TSHZ3: variants seen among roughly 807,000 people sequenced by gnomAD.
TSHZ3 encodes the protein teashirt homolog 3.
TSHZ3 carries 10 observed loss-of-function variants against 64.5 expected under a neutral mutation model. The observed-to-expected ratio is 0.16, with a 90% CI of 0.10 to 0.26. TSHZ3 has a LOEUF of 0.26. Among genes scored for constraint, TSHZ3 ranks in the 10% least tolerant of loss-of-function variants. TSHZ3 has a pLI of 1.00. For synonymous variants in TSHZ3, 608 were observed against 593.1 expected, an observed-to-expected ratio of 1.03 and a Z score of -0.36; for missense variants, 1,242 against 1,421.7, an observed-to-expected ratio of 0.87 and a Z score of 2.03.
intron 1 of TSHZ3, among the ~76,000 whole-genome samples, chr19:31,343,799 GA>G (rs1032640841): frequency 3.4e-5 from 5 of 148,620 alleles, no homozygotes; most frequent in Admixed American, 6.7e-5. Flanking sequence ...TTTTTTTAAA[GA>G]AAATCCAGAA....
At chr19:31,181,597 A>T (rs1159495863) in intron 5 of TSHZ3, among the ~76,000 whole-genome samples, 2 of 152,124 alleles carry the variant, frequency 1.3e-5, no homozygotes, top group Non-Finnish European at 2.9e-5. Flanking sequence ...AAGAGGCTCT[A>T]TGCTAAGCAG....
rs1326650510 is a variant in TSHZ3, at chr19:31,275,765, C to T, written c.*782G>A. ...TCTGTGGTATCTTCTGTATAATTTA[C>T]AATGTTTGCATGTAAAAAACAAAAC... is the stretch of plus-strand genomic sequence containing the variant. On this transcript the variant is annotated 3_prime_UTR_variant, in exon 2 of 2. Coordinates refer to ENST00000240587, the MANE Select transcript of TSHZ3 (RefSeq NM_020856.4). 6.6e-6 allele frequency: 1 copy of T among 152,100 alleles called. No homozygotes were observed. The highest frequency in any genetic ancestry group is 2.4e-5 in the African/African-American group (1 of 41,216). 9.4% of individuals were successfully genotyped at this position (152,100 alleles called of 1,614,324 possible).
At chr19:31,330,942 T>G (rs1393240963) in intron 1 of TSHZ3, among the ~76,000 whole-genome samples, 1 of 152,062 alleles carries the variant, frequency 6.6e-6, no homozygotes, top group East Asian at 1.9e-4. Flanking sequence ...ATGTCCCCAG[T>G]CACCATGGTG....
At chr19:31,332,878 G>A (rs1352928426) in intron 1 of TSHZ3, among the ~76,000 whole-genome samples, 3 of 151,974 alleles carry the variant, frequency 2.0e-5, no homozygotes, top group Admixed American at 6.6e-5. Flanking sequence ...GACCGAGGAG[G>A]GTAGACTGCT....
chr19:31,282,087 G>C (rs912754575), intron 1 of TSHZ3, among the ~76,000 whole-genome samples: 2 of 152,140 alleles, frequency 1.3e-5, no homozygotes, highest in Non-Finnish European at 2.9e-5. Flanking sequence ...GAGTAGGCTG[G>C]GTTTAGCTAG....
chr19:31,169,778 G>A (rs558782202), intron 5 of TSHZ3, among the ~76,000 whole-genome samples: 54 of 152,270 alleles, frequency 3.5e-4, no homozygotes, highest in Non-Finnish European at 6.5e-4. Flanking sequence ...TCCTTTGAGC[G>A]ATGTGCAAAG....
intron 5 of TSHZ3, chr19:31,195,616 A>C (rs1171153863): frequency 6.6e-6 from 1 of 152,038 alleles, no homozygotes; most frequent in African/African-American, 2.4e-5. Context: ...ATGTTAAAAG[A>C]AGTGCTTTAG....
At chr19:31,272,248 C>T (rs1344018080), downstream of TSHZ3, among the ~76,000 whole-genome samples, 2 of 152,108 alleles carry the variant, frequency 1.3e-5, no homozygotes, top group East Asian at 3.9e-4. Context: ...GGCCTTTTTT[C>T]CTCTATAAGT....
chr19:31,159,626 C>G (rs1974347550), intron 5 of TSHZ3, among the ~76,000 whole-genome samples: 1 of 152,174 alleles, frequency 6.6e-6, no homozygotes. Flanking sequence ...GCTTCACCAA[C>G]TATAAGGTAC....
intron 1 of TSHZ3, among the ~76,000 whole-genome samples, chr19:31,285,994 G>T (rs1449556931): frequency 6.6e-6 from 1 of 152,046 alleles, no homozygotes; most frequent in Non-Finnish European, 1.5e-5. Context: ...GAAGCACACA[G>T]AAGTGATCAG....
intron 1 of TSHZ3, among the ~76,000 whole-genome samples, chr19:31,306,890 C>T (rs895618618): frequency 1.3e-5 from 2 of 151,996 alleles, no homozygotes; most frequent in African/African-American, 4.8e-5. Context: ...CAGCATACGC[C>T]GCAGAATTAA....
At chr19:31,191,068 A>G (rs1974897954) in intron 5 of TSHZ3, among the ~76,000 whole-genome samples, 1 of 152,186 alleles carries the variant, frequency 6.6e-6, no homozygotes, top group Non-Finnish European at 1.5e-5. Flanking sequence ...AAGTAATTCA[A>G]TCAAATGGTT....
intron 5 of TSHZ3, among the ~76,000 whole-genome samples, chr19:31,183,220 CTCTCTCTT>C (rs201407196): frequency 0.48 from 60,879 of 126,862 alleles, 13,778 homozygotes; most frequent in Non-Finnish European, 0.53. Flanking sequence ...CTCTCTCTCT[CTCTCTCTT>C]TCTCTCTCTC....
At chr19:31,181,993 A>G (rs1483058683) in intron 5 of TSHZ3, among the ~76,000 whole-genome samples, 1 of 152,184 alleles carries the variant, frequency 6.6e-6, no homozygotes, top group African/African-American at 2.4e-5. Flanking sequence ...AGGCATCTCC[A>G]CTGCAGGTGA....
At chr19:31,179,546 C>T (rs958807800) in intron 5 of TSHZ3, among the ~76,000 whole-genome samples, 24 of 152,090 alleles carry the variant, frequency 1.6e-4, no homozygotes, top group Non-Finnish European at 2.9e-4. Flanking sequence ...AATCTATCCC[C>T]GTGATGAAGA....
chr19:31,320,627 C>A (rs1916740742), intron 1 of TSHZ3, among the ~76,000 whole-genome samples: 1 of 152,072 alleles, frequency 6.6e-6, no homozygotes, highest in African/African-American at 2.4e-5. Flanking sequence ...CTGACCTCTC[C>A]CTGGACCTAA....
chr19:31,166,982 A>G (rs1031773816), intron 5 of TSHZ3, among the ~76,000 whole-genome samples: 7 of 152,154 alleles, frequency 4.6e-5, no homozygotes, highest in African/African-American at 7.2e-5. Context: ...CTTTAACACA[A>G]AAAGGGGAAG....
intron 1 of TSHZ3, among the ~76,000 whole-genome samples, chr19:31,287,951 T>C (rs969857209): frequency 6.6e-6 from 1 of 152,096 alleles, no homozygotes; most frequent in South Asian, 2.1e-4. Context: ...TCTGTTTTTT[T>C]TGAGACAGGG....
At chr19:31,269,893 G>A (rs1229593814) in intron 1 of TSHZ3, among the ~76,000 whole-genome samples, 1 of 152,218 alleles carries the variant, frequency 6.6e-6, no homozygotes, top group African/African-American at 2.4e-5. Context: ...TGGGCAGGGA[G>A]TCCCAGTACC....
Sources: gnomAD v4.1 joint callset for allele counts (sites outside exome capture counted in the v4.1 genomes callset) on GRCh38, gnomAD v4.1.1 for gene constraint, MANE v1.5 for transcripts, NCBI Gene and HGNC (gene_info 2026-07-23, HGNC 2026-07-21) for gene names.